CRHR1: variants seen among roughly 807,000 people sequenced by gnomAD.
CRHR1 encodes the protein corticotropin releasing hormone receptor 1.
In CRHR1, 28 loss-of-function variants were observed where a neutral mutation model predicts 56.0. The observed-to-expected ratio is 0.50, with a 90% CI of 0.37 to 0.69. The LOEUF (loss-of-function observed/expected upper bound fraction) is 0.69, where lower values mean the gene tolerates loss of function less well. Ranked by LOEUF, CRHR1 falls within the 30% of genes least tolerant of loss-of-function variation. The probability of loss-of-function intolerance (pLI) is 0.00; values close to 1 mark genes in which losing one functional copy is unlikely to be tolerated. For synonymous variants in CRHR1, 195 were observed against 216.5 expected, an observed-to-expected ratio of 0.90 and a Z score of 0.87; for missense variants, 376 against 548.0, an observed-to-expected ratio of 0.69 and a Z score of 3.13.
chr17:45,815,497 A>T (rs954472909), intron 2 of CRHR1, among the ~76,000 whole-genome samples: 3 of 152,202 alleles, frequency 2.0e-5, no homozygotes, highest in Admixed American at 2.0e-4. Flanking sequence ...TCAGATGTTT[A>T]TATCTCTTTG....
At chr17:45,812,444 C>A (rs1214086739) in intron 2 of CRHR1, among the ~76,000 whole-genome samples, 1 of 152,196 alleles carries the variant, frequency 6.6e-6, no homozygotes, top group Non-Finnish European at 1.5e-5. Flanking sequence ...GGTCCAAATT[C>A]CTCCTCATCC....
At chr17:45,829,430 G>A (rs911356116) in intron 5 of CRHR1, 109 bp downstream of exon 5, 1 of 1,330,174 alleles carries the variant, frequency 7.5e-7, no homozygotes. Context: ...GCTGGGAGAG[G>A]GTGGCAGGGG....
chr17:45,832,242 C>G (rs2062329872), intron 8 of CRHR1, among the ~76,000 whole-genome samples: 1 of 152,054 alleles, frequency 6.6e-6, no homozygotes, highest in Admixed American at 6.5e-5. Context: ...TCTCAAAAAA[C>G]AAAGCAAAAC....
intron 1 of CRHR1, among the ~76,000 whole-genome samples, chr17:45,801,981 C>T (rs977700426): frequency 6.6e-5 from 10 of 151,988 alleles, no homozygotes; most frequent in African/African-American, 9.7e-5. Flanking sequence ...TCACACTGCC[C>T]GCTCCCCAGG....
rs768818763 is a variant in CRHR1 at position 45,833,987 on chromosome 17, G to A, written c.1066-20G>A. 9.3e-6 allele frequency: 15 copies of A among 1,613,774 alleles called. No individual in the cohort carries two copies. Among genetic ancestry groups the A allele is most frequent in the African/African-American group, 4.0e-5 (3 of 74,886 alleles). ...GCAACACCTGCAGCCGACCTTTGACGCCTCCTCTCTCCTCCCCAGGGCTTC... is the reference window on the plus strand; with the variant it reads ...GCAACACCTGCAGCCGACCTTTGACACCTCCTCTCTCCTCCCCAGGGCTTC... On this transcript the variant is annotated intron_variant, in intron 11 of 12. Coordinates refer to ENST00000314537, the MANE Select transcript of CRHR1 (RefSeq NM_004382.5).
intron 2 of CRHR1, among the ~76,000 whole-genome samples, chr17:45,815,367 C>A (rs1320623279): frequency 1.3e-5 from 2 of 152,204 alleles, no homozygotes; most frequent in African/African-American, 2.4e-5. Context: ...ATCCACCCTC[C>A]CCTCCTGAAG....
intron 8 of CRHR1, among the ~76,000 whole-genome samples, chr17:45,832,372 C>T (rs897090597): frequency 1.3e-5 from 2 of 152,236 alleles, no homozygotes; most frequent in Non-Finnish European, 2.9e-5. Flanking sequence ...AACGAACTTG[C>T]AGACCAGAGG....
intron 3 of CRHR1, 37 bp from the exon 4 acceptor site, chr17:45,821,318 C>A (rs768565295): frequency 1.3e-6 from 2 of 1,588,422 alleles, no homozygotes; most frequent in East Asian, 4.5e-5. Context: ...GGGGCCGGGG[C>A]TGCCCCGCCA....
intron 1 of CRHR1, among the ~76,000 whole-genome samples, chr17:45,806,499 T>C (rs1166494849): frequency 6.6e-6 from 1 of 152,126 alleles, no homozygotes; most frequent in Admixed American, 6.5e-5. Flanking sequence ...CAGGCGGGGA[T>C]GAGGGCCCAG....
At chr17:45,788,365 C>T (rs1230700096) in intron 1 of CRHR1, among the ~76,000 whole-genome samples, 2 of 152,188 alleles carry the variant, frequency 1.3e-5, no homozygotes, top group Non-Finnish European at 1.5e-5. Flanking sequence ...TCTGTTATCT[C>T]TCATGTCTCT....
intron 1 of CRHR1, among the ~76,000 whole-genome samples, chr17:45,797,283 CTTTTTTTTTTTTTTT>C (rs899983592): frequency 1.1e-5 from 1 of 94,930 alleles, no homozygotes; most frequent in Admixed American, 1.2e-4. Context: ...TTCTTTCTTT[CTTTTTTTTTTTTTTT>C]TTTTTTTTTT....
At chr17:45,802,793 A>C (rs16969853) in intron 1 of CRHR1, among the ~76,000 whole-genome samples, 24,271 of 152,186 alleles carry the variant, frequency 0.16, 3,004 homozygotes, top group African/African-American at 0.35. Flanking sequence ...CTTTGCCTGG[A>C]ATTTGGCTTC....
chr17:45,834,791 A>G lies in CRHR1; in HGVS notation c.*27A>G. On this transcript the variant is annotated 3_prime_UTR_variant, in exon 13 of 13. Coordinates refer to ENST00000314537, the MANE Select transcript of CRHR1 (RefSeq NM_004382.5). ...CTGGCAGGTCATGGAGCAGCCCCCA[A>G]AGAGCTGTGGCTGGGGGGATGACGG... 3 of 1,612,968 alleles carry G rather than the reference A, an allele frequency of 1.9e-6. No homozygotes were observed. The Middle Eastern group carries it at 5.0e-4, about 266-fold the overall frequency.
At chr17:45,815,897 C>T (rs950485020) in intron 2 of CRHR1, among the ~76,000 whole-genome samples, 17 of 152,148 alleles carry the variant, frequency 1.1e-4, no homozygotes, top group Admixed American at 3.3e-4. Context: ...GTACACGTGA[C>T]GTATGGTCAG....
intron 3 of CRHR1, among the ~76,000 whole-genome samples, chr17:45,819,352 TA>T (rs1453016640): frequency 1.3e-5 from 2 of 152,106 alleles, no homozygotes; most frequent in African/African-American, 4.8e-5. Flanking sequence ...TAGTGGAAGG[TA>T]GTGCCAGGAT....
intron 1 of CRHR1, among the ~76,000 whole-genome samples, chr17:45,801,687 T>C (rs1286739117): frequency 6.6e-6 from 1 of 152,172 alleles, no homozygotes; most frequent in African/African-American, 2.4e-5. Flanking sequence ...AGTTGGAAGA[T>C]AGTAAATCAC....
At chr17:45,832,829 C>T (rs909645129) in intron 8 of CRHR1, among the ~76,000 whole-genome samples, 1 of 152,242 alleles carries the variant, frequency 6.6e-6, no homozygotes, top group Non-Finnish European at 1.5e-5. Context: ...GAGGAGGAGC[C>T]GAGGATGCAG....
chr17:45,834,891 A>T lies in CRHR1; in HGVS notation c.*127A>T. ...GCCCACTCCCCCAGGAGCAGCTGGCACTGACAGCCTGGGGGGGCCGCTCTC... is the reference window on the plus strand; with the variant it reads ...GCCCACTCCCCCAGGAGCAGCTGGCTCTGACAGCCTGGGGGGGCCGCTCTC... On this transcript the variant is annotated 3_prime_UTR_variant, in exon 13 of 13. Coordinates refer to ENST00000314537, the MANE Select transcript of CRHR1 (RefSeq NM_004382.5). The T allele has an allele frequency of 7.6e-7, 1 of 1,321,710 alleles. No individual in the cohort carries two copies. Among genetic ancestry groups the T allele is most frequent in the Non-Finnish European group, 1.0e-6 (1 of 963,030 alleles). The allele number at this position is 1,321,710 out of a possible 1,614,324, so 81.9% of individuals were successfully genotyped here.
chr17:45,803,423 G>C (rs2146297238), intron 1 of CRHR1, among the ~76,000 whole-genome samples: 1 of 152,170 alleles, frequency 6.6e-6, no homozygotes, highest in African/African-American at 2.4e-5. Context: ...ATCTTGCTCT[G>C]TTGCCCAGGC....
Sources: gnomAD v4.1 joint callset for allele counts (sites outside exome capture counted in the v4.1 genomes callset) on GRCh38, gnomAD v4.1.1 for gene constraint, MANE v1.5 for transcripts, NCBI Gene and HGNC (gene_info 2026-07-23, HGNC 2026-07-21) for gene names.